NKAIN3: variants seen among roughly 807,000 people sequenced by gnomAD.
The protein encoded by NKAIN3 is sodium/potassium transporting ATPase interacting 3, also known as sodium/potassium-transporting ATPase subunit beta-1-interacting protein 3.
In NKAIN3, 25 loss-of-function variants were observed where a neutral mutation model predicts 30.2. The observed-to-expected ratio is 0.83, with a 90% confidence interval of 0.60 to 1.16. The LOEUF is 1.16. Ranked by LOEUF, NKAIN3 falls within the 50% of genes most tolerant of loss-of-function variation. The pLI is 0.00. For missense variants in NKAIN3, 225 were observed against 254.1 expected (o/e 0.89, Z 0.78); for synonymous variants, 91 against 89.6 (o/e 1.02, Z -0.09).
intron 4 of NKAIN3, among the ~76,000 whole-genome samples, chr8:62,786,421 A>C (rs192763615): frequency 3.1e-4 from 47 of 151,792 alleles, no homozygotes; most frequent in Non-Finnish European, 1.3e-4. Context: ...ACCCTGCCCC[A>C]CTCCTGTACT....
At chr8:62,935,699 T>C (rs924805238) in intron 5 of NKAIN3, among the ~76,000 whole-genome samples, 2 of 152,124 alleles carry the variant, frequency 1.3e-5, no homozygotes, top group African/African-American at 4.8e-5. Flanking sequence ...AGAATATTCA[T>C]ATTTAAATAT....
At chr8:62,607,894 A>G (rs533470762) in intron 3 of NKAIN3, among the ~76,000 whole-genome samples, 1 of 152,270 alleles carries the variant, frequency 6.6e-6, no homozygotes, top group African/African-American at 2.4e-5. Flanking sequence ...ATACGTTGAA[A>G]TGTATTCTCA....
intron 1 of NKAIN3, among the ~76,000 whole-genome samples, chr8:62,258,065 C>G (rs1378823936): frequency 6.6e-6 from 1 of 152,068 alleles, no homozygotes; most frequent in East Asian, 1.9e-4. Flanking sequence ...CTTTCTCTCA[C>G]AAATTGTACC....
intron 3 of NKAIN3, among the ~76,000 whole-genome samples, chr8:62,595,552 G>T (rs981222007): frequency 1.3e-5 from 2 of 151,880 alleles, no homozygotes; most frequent in Non-Finnish European, 2.9e-5. Context: ...GGCAATAGAT[G>T]ATTGGCTATT....
chr8:62,853,091 G>A (rs903114962), intron 4 of NKAIN3, among the ~76,000 whole-genome samples: 18 of 152,136 alleles, frequency 1.2e-4, no homozygotes, highest in African/African-American at 4.3e-4. Context: ...GGGAGTTTAA[G>A]TCTCTTTCTA....
At chr8:62,711,162 G>A (rs901400080) in intron 3 of NKAIN3, among the ~76,000 whole-genome samples, 2 of 152,076 alleles carry the variant, frequency 1.3e-5, no homozygotes, top group South Asian at 2.1e-4. Context: ...TCTCACAGCT[G>A]TAAAGATTCT....
At chr8:62,356,692 A>G (rs1467575888) in intron 1 of NKAIN3, among the ~76,000 whole-genome samples, 1 of 152,170 alleles carries the variant, frequency 6.6e-6, no homozygotes, top group Admixed American at 6.5e-5. Context: ...CTTCAGAGTA[A>G]TCGACATAAA....
At chr8:62,990,416 A>G in intron 5 of NKAIN3, 1 of 1,143,492 alleles carries the variant, frequency 8.7e-7, no homozygotes, top group Non-Finnish European at 1.1e-6. Flanking sequence ...TTTAACCAGC[A>G]GTGCTCTTTG....
At chr8:62,337,593 A>G (rs1270424280) in intron 1 of NKAIN3, among the ~76,000 whole-genome samples, 1 of 127,492 alleles carries the variant, frequency 7.8e-6, no homozygotes, top group Non-Finnish European at 1.7e-5. Context: ...ATAACACAAC[A>G]CACATAACAG....
At chr8:62,798,172 A>G (rs1223254056) in intron 4 of NKAIN3, among the ~76,000 whole-genome samples, 2 of 150,262 alleles carry the variant, frequency 1.3e-5, no homozygotes, top group Admixed American at 6.6e-5. Context: ...AGACCTTATC[A>G]GTTCCTTGCA....
At chr8:62,668,666 C>T (rs192922089) in intron 3 of NKAIN3, among the ~76,000 whole-genome samples, 14 of 152,134 alleles carry the variant, frequency 9.2e-5, no homozygotes, top group Admixed American at 3.3e-4. Context: ...ATTGACATGC[C>T]TAAGCAATTT....
At chr8:62,891,012 C>A (rs1821281450) in intron 4 of NKAIN3, among the ~76,000 whole-genome samples, 1 of 152,128 alleles carries the variant, frequency 6.6e-6, no homozygotes, top group South Asian at 2.1e-4. Flanking sequence ...TGATGCTGGA[C>A]CCTTCTGAAG....
At chr8:62,568,547 T>C (rs1809827059) in intron 1 of NKAIN3, among the ~76,000 whole-genome samples, 1 of 152,220 alleles carries the variant, frequency 6.6e-6, no homozygotes. Flanking sequence ...TTGTGATACA[T>C]AGATGTCCTT....
chr8:62,790,695 A>T (rs1817679923), intron 4 of NKAIN3, among the ~76,000 whole-genome samples: 1 of 145,424 alleles, frequency 6.9e-6, no homozygotes, highest in Non-Finnish European at 1.5e-5. Flanking sequence ...GGCACTGGGG[A>T]TACACAGAAA....
intron 4 of NKAIN3, among the ~76,000 whole-genome samples, chr8:62,803,665 A>T (rs964756980): frequency 5.9e-5 from 9 of 152,350 alleles, no homozygotes; most frequent in Middle Eastern, 3.4e-3. Context: ...GAAAGCAGGA[A>T]AGATCCAAAA....
chr8:62,879,958 C>T (rs1178724442), intron 4 of NKAIN3, among the ~76,000 whole-genome samples: 1 of 152,094 alleles, frequency 6.6e-6, no homozygotes, highest in Non-Finnish European at 1.5e-5. Flanking sequence ...AGCCTTGGGT[C>T]CATCTTCTGA....
intron 1 of NKAIN3, among the ~76,000 whole-genome samples, chr8:62,441,675 G>C (rs544807886): frequency 1.3e-5 from 2 of 151,890 alleles, no homozygotes; most frequent in South Asian, 4.2e-4. Context: ...GATTTGCTTT[G>C]TAGATGAACA....
chr8:62,524,657 C>G (rs1585904993), intron 1 of NKAIN3, among the ~76,000 whole-genome samples: 1 of 152,230 alleles, frequency 6.6e-6, no homozygotes, highest in East Asian at 1.9e-4. Context: ...TCTAGGCACA[C>G]CCATCCTTCT....
intron 2 of NKAIN3, among the ~76,000 whole-genome samples, chr8:62,589,291 A>G (rs1297266995): frequency 6.6e-6 from 1 of 151,826 alleles, no homozygotes. Flanking sequence ...TTTTCTTCAA[A>G]CATGGTCTTC....
Sources: gnomAD v4.1 joint callset for allele counts (sites outside exome capture counted in the v4.1 genomes callset) on GRCh38, gnomAD v4.1.1 for gene constraint, MANE v1.5 for transcripts, NCBI Gene and HGNC (gene_info 2026-07-23, HGNC 2026-07-21) for gene names.